Variants in TOX4 observed in about 807,000 individuals in gnomAD.
TOX4 encodes epidermal Langerhans cell protein LCP1.
Under a neutral mutation model 61.0 loss-of-function variants are expected in TOX4, and 12 were observed. The observed-to-expected ratio is 0.20, with a 90% CI of 0.13 to 0.32. The LOEUF (loss-of-function observed/expected upper bound fraction) is 0.32. TOX4 is among the 10% of genes least tolerant of loss of function. The pLI is 1.00. For missense variants in TOX4, 499 were observed against 753.3 expected (o/e 0.66, Z 3.95); for synonymous variants, 268 against 274.8 (o/e 0.98, Z 0.24).
At chr14:21,490,277 C>T (rs1334540141) in intron 5 of TOX4, among the ~76,000 whole-genome samples, 2 of 151,958 alleles carry the variant, frequency 1.3e-5, no homozygotes, top group Non-Finnish European at 2.9e-5. Flanking sequence ...AGGAGATCAA[C>T]ACCATCCTGG....
chr14:21,494,778 G>A (rs1266096071), intron 7 of TOX4, among the ~76,000 whole-genome samples: 2 of 151,002 alleles, frequency 1.3e-5, no homozygotes, highest in Non-Finnish European at 3.0e-5. Context: ...AATTAGCTGG[G>A]CACGGTGATG....
At position 21,488,869 on chromosome 14, in the gene TOX4, AAATC is replaced by A. The variant is rs1351217959; in HGVS notation, c.579+23_579+26del. 1 of 1,611,786 alleles carries A rather than the reference AAATC, an allele frequency of 6.2e-7. No individual in the cohort carries two copies. Among genetic ancestry groups the A allele is most frequent in the South Asian group, 1.1e-5 (1 of 91,012 alleles). On this transcript the variant is annotated intron_variant, in intron 4 of 8. Coordinates refer to ENST00000448790, the MANE Select transcript of TOX4 (RefSeq NM_014828.4). ...CCGGAGGGTGAGGCATTCCCTGTCAAAATCAATTCTGCTGTGATAGTCTGGGATA... is the reference window on the plus strand; with the variant it reads ...CCGGAGGGTGAGGCATTCCCTGTCAAAATTCTGCTGTGATAGTCTGGGATA...
rs1439774906 is a variant in TOX4, at chr14:21,497,917, C to CAGTT, written c.*1313_*1316dup. 2 of 211,468 alleles carry CAGTT rather than the reference C, an allele frequency of 9.5e-6. No homozygotes were observed. The highest frequency in any genetic ancestry group is 4.7e-5 in the African/African-American group (2 of 43,000). 13.1% of individuals were successfully genotyped at this position (211,468 alleles called of 1,614,324 possible). A position where few individuals can be genotyped will look rare whatever the true frequency, so the allele number is the denominator to read the frequency against. On this transcript the variant is annotated 3_prime_UTR_variant, in exon 9 of 9. Coordinates refer to ENST00000448790, the MANE Select transcript of TOX4 (RefSeq NM_014828.4). ...AGTCTAGTCTTGAACTCCTGGGCTA[C>CAGTT]AGTTACCCTCCTACCTCGGCTTCCC... is the stretch of plus-strand genomic sequence containing the variant.
Position 21,492,623 on chromosome 14 carries a change from C to T in TOX4, c.1007C>T (p.Ala336Val), listed in dbSNP as rs535112667. 1.9e-6 allele frequency: 3 copies of T among 1,613,688 alleles called. No individual in the cohort carries two copies. The highest frequency in any genetic ancestry group is 1.1e-5 in the South Asian group (1 of 91,076). The change falls in exon 7 of 9, where the codon GCC (alanine) becomes GTC (valine). Residue 336 changes from alanine to valine, a missense_variant. This residue lies in a region of TOX4 where 296 missense variants were observed against 404.7 expected (regional missense o/e 0.73). Coordinates refer to ENST00000448790, the MANE Select transcript of TOX4 (RefSeq NM_014828.4). ...SPAPASIEPP[A>V]LSPSIVVNST... ...GCACCAGCTTCAATAGAGCCCCCTG[C>T]CCTGTCCCCATCCATTGTTGTTAAC...
rs527606896 is a variant in TOX4 at position 21,497,892 on chromosome 14, A to G, written c.*1286A>G. 2.0e-4 allele frequency: 37 copies of G among 181,730 alleles called. No individual in the cohort carries two copies. The highest frequency in any genetic ancestry group is 6.9e-4 in the African/African-American group (29 of 42,214). 11.3% of individuals were successfully genotyped at this position (181,730 alleles called of 1,614,324 possible). A position where few individuals can be genotyped will look rare whatever the true frequency, so the allele number is the denominator to read the frequency against. On this transcript the variant is annotated 3_prime_UTR_variant, in exon 9 of 9. Transcript: ENST00000448790. ...GAGATGGGGTCTCACTATGTTGCCC[A>G]GTCTAGTCTTGAACTCCTGGGCTAC...
At chr14:21,489,704 G>A (rs538583774) in intron 5 of TOX4, among the ~76,000 whole-genome samples, 6 of 151,810 alleles carry the variant, frequency 4.0e-5, no homozygotes, top group Non-Finnish European at 8.8e-5. Context: ...TCAGCCTCCC[G>A]AGTAGCTGGG....
chr14:21,487,748 G>C, intron 3 of TOX4, 55 bp downstream of exon 3: 1 of 1,548,208 alleles, frequency 6.5e-7, no homozygotes. Flanking sequence ...GGCATTAGGG[G>C]AGACAAAGTT....
At chr14:21,492,211 T>C in intron 5 of TOX4, 85 bp from the exon 6 acceptor site, 1 of 1,266,450 alleles carries the variant, frequency 7.9e-7, no homozygotes, top group African/African-American at 1.5e-5. Context: ...TGAATTGTCA[T>C]TCATTGATAA....
At chr14:21,492,450 G>A (rs1891311085) in intron 6 of TOX4, 58 bp from the exon 7 acceptor site, 1 of 1,611,014 alleles carries the variant, frequency 6.2e-7, no homozygotes, top group Non-Finnish European at 8.5e-7. Context: ...GCAGTTTTAA[G>A]AAGTAAATAC....
intron 1 of TOX4, 71 bp from the exon 2 acceptor site, chr14:21,477,425 C>T (rs1312841705): frequency 1.1e-5 from 17 of 1,609,424 alleles, no homozygotes; most frequent in Non-Finnish European, 1.1e-5. Flanking sequence ...ATGTCAGGGT[C>T]AAAAGCCATC....
chr14:21,484,329 CTTTTTTTTTTTTTTTTTTTT>C (rs533570141), intron 2 of TOX4, among the ~76,000 whole-genome samples: 120 of 44,234 alleles, frequency 2.7e-3, no homozygotes, highest in African/African-American at 8.1e-3. Context: ...CTAGCAATGT[CTTTTTTTTTTTTTTTTTTTT>C]TTTTTTTTTT....
chr14:21,491,520 G>C (rs1174375095), intron 5 of TOX4, among the ~76,000 whole-genome samples: 1 of 148,418 alleles, frequency 6.7e-6, no homozygotes, highest in African/African-American at 2.5e-5. Context: ...CACCACGCCG[G>C]GCTAGTTTTG....
chr14:21,492,265 T>TG (rs1491280355), intron 5 of TOX4, 31 bp from the exon 6 acceptor site: 2 of 1,521,520 alleles, frequency 1.3e-6, no homozygotes, highest in Non-Finnish European at 1.8e-6. Context: ...TGGGGAGTTT[T>TG]GTTTTTTTTT....
rs1206901131 is a variant in TOX4 at position 21,492,796 on chromosome 14, G to A, written c.1180G>A (p.Val394Met). Reference protein sequence around the residue: ...GGMVTVIPATVVTSRGLQLGQ... With the variant: ...GGMVTVIPATMVTSRGLQLGQ... ...GATGGTTACTGTTATCCCAGCCACAGTGGTGACCTCCCGGGGGCTCCAACT... is the reference window on the plus strand; with the variant it reads ...GATGGTTACTGTTATCCCAGCCACAATGGTGACCTCCCGGGGGCTCCAACT... Residue 394 changes from valine to methionine, a missense_variant, in exon 7 of 9, where the codon GTG (valine) becomes ATG (methionine). Physicochemically the swap from Val to Met is conservative, Grantham distance 21. Coordinates refer to ENST00000448790, the MANE Select transcript of TOX4 (RefSeq NM_014828.4). 6.2e-7 allele frequency: 1 copy of A among 1,614,002 alleles called. No homozygotes were observed. The highest frequency in any genetic ancestry group is 1.3e-5 in the African/African-American group (1 of 74,902).
rs1409181582 is a variant in TOX4, at chr14:21,497,636, T to A, written c.*1030T>A. ...TCTGCCTCCCGGGTTCAAGCGATTC[T>A]CCTGCATCAGCCTCCCGAGTAGCTA... On this transcript the variant is annotated 3_prime_UTR_variant, in exon 9 of 9. Transcript: ENST00000448790. The A allele has an allele frequency of 6.6e-6, 1 of 150,576 alleles. No individual in the cohort carries two copies. Among genetic ancestry groups the A allele is most frequent in the Non-Finnish European group, 1.5e-5 (1 of 67,838 alleles). 9.3% of individuals were successfully genotyped at this position (150,576 alleles called of 1,614,324 possible). A position where few individuals can be genotyped will look rare whatever the true frequency, so the allele number is the denominator to read the frequency against.
In TOX4 at chr14:21,498,799, A is replaced by T. The variant is rs1891478313; in HGVS notation, c.*2193A>T. ...AGGAAGATCCTTGGGTTGTGAAGAGAGTAGAAACCCTAGGGAGCAGTGCTT... is the reference window on the plus strand; with the variant it reads ...AGGAAGATCCTTGGGTTGTGAAGAGTGTAGAAACCCTAGGGAGCAGTGCTT... On this transcript the variant is annotated 3_prime_UTR_variant, in exon 9 of 9. Transcript: ENST00000448790. The T allele has an allele frequency of 1.3e-5, 7 of 531,162 alleles. No homozygotes were observed. The South Asian group carries it at 1.7e-4, about 13-fold the overall frequency. 32.9% of individuals were successfully genotyped at this position (531,162 alleles called of 1,614,324 possible).
At chr14:21,492,252 G>T in intron 5 of TOX4, 44 bp from the exon 6 acceptor site, 1 of 1,521,682 alleles carries the variant, frequency 6.6e-7, no homozygotes, top group Non-Finnish European at 9.0e-7. Flanking sequence ...TTTCCTAAGA[G>T]TATGGGGAGT....
At position 21,485,041 on chromosome 14, in the gene TOX4, G is replaced by A. The variant is rs1164702677; in HGVS notation, c.76-2410G>A. Among the ~76,000 whole-genome samples, 2 of 108,708 alleles carry A rather than the reference G, an allele frequency of 1.8e-5. 1 individual carries two copies. The highest frequency in any genetic ancestry group is 6.9e-5 in the African/African-American group (2 of 29,052). 71.3% of individuals were successfully genotyped at this position (108,708 alleles called of 152,430 possible). On this transcript the variant is annotated intron_variant, in intron 2 of 8. Coordinates refer to ENST00000448790, the MANE Select transcript of TOX4 (RefSeq NM_014828.4). ...CCAACAGTTTGGGAGGTCAAGGCAG[G>A]GTGATGGCTTGAGCCCAGGGGTTCA...
At chr14:21,489,940 G>A (rs1891257093) in intron 5 of TOX4, among the ~76,000 whole-genome samples, 1 of 151,730 alleles carries the variant, frequency 6.6e-6, no homozygotes, top group Non-Finnish European at 1.5e-5. Context: ...CCAGCACTTT[G>A]GGAGGCCAGG....
Sources: allele counts gnomAD v4.1 joint callset (sites outside exome capture counted in the v4.1 genomes callset), GRCh38; gene constraint gnomAD v4.1.1; regional missense constraint gnomAD v4.1.1; transcripts MANE v1.5; gene names NCBI Gene and HGNC (gene_info 2026-07-23, HGNC 2026-07-21).